The following WWC1 variants were observed in gnomAD, a reference collection of about 807,000 sequenced individuals.
The protein encoded by WWC1 is protein KIBRA.
WWC1 carries 55 observed loss-of-function variants against 138.4 expected under a neutral mutation model. The ratio of observed to expected loss-of-function variants is 0.40; its 90% CI spans 0.32 to 0.50. WWC1 has a LOEUF of 0.50. WWC1 is among the 20% of genes least tolerant of loss of function. The probability of loss-of-function intolerance (pLI) is 0.72; values close to 1 mark genes in which losing one functional copy is unlikely to be tolerated. For missense variants in WWC1, 1,226 were observed against 1,420.4 expected, an observed-to-expected ratio of 0.86 and a Z score of 2.20; for synonymous variants, 524 against 564.9, an observed-to-expected ratio of 0.93 and a Z score of 1.03.
intron 19 of WWC1, among the ~76,000 whole-genome samples, chr5:168,458,321 C>G (rs552681002): frequency 1.3e-5 from 2 of 152,216 alleles, no homozygotes; most frequent in Non-Finnish European, 2.9e-5. Flanking sequence ...GGGAGTCCAA[C>G]TCCAAAGCCT....
At chr5:168,421,126 G>A (rs1016256811) in intron 9 of WWC1, among the ~76,000 whole-genome samples, 4 of 152,168 alleles carry the variant, frequency 2.6e-5, no homozygotes, top group African/African-American at 9.7e-5. Flanking sequence ...CTTCCATGTG[G>A]TCATTCAGGA....
chr5:168,304,297 TGCC>T lies in WWC1; in HGVS notation c.119+12027_119+12029del, dbSNP rs569728633. Among the ~76,000 whole-genome samples the T allele has an allele frequency of 5.9e-5, 9 of 152,354 alleles. No homozygotes were observed. In the South Asian group the frequency reaches 1.9e-3, roughly 32 times the overall value. On this transcript the variant is annotated intron_variant, in intron 1 of 22. Coordinates refer to ENST00000265293, the MANE Select transcript of WWC1 (RefSeq NM_015238.3). The stretch of plus-strand genomic sequence containing the variant: ...AAATGTCCCCTGGAAAAACTGGTCA[TGCC>T]TAAGAAGATAGACTTCTTCCTAGTA...
chr5:168,311,157 T>C (rs1195295814), intron 1 of WWC1, among the ~76,000 whole-genome samples: 1 of 152,124 alleles, frequency 6.6e-6, no homozygotes, highest in Admixed American at 6.6e-5. Context: ...CCCACCTGTA[T>C]GCATTGACTC....
At position 168,395,909 on chromosome 5, in the gene WWC1, T is replaced by C. The variant is rs74320001; in HGVS notation, c.434-1815T>C. ...CCAAGTATTACATTTTAATGCCTTA[T>C]GCATAACCAAAAGGCCTATTAAAAT... On this transcript the variant is annotated intron_variant, in intron 3 of 22. Transcript: ENST00000265293. Among the ~76,000 whole-genome samples the C allele has an allele frequency of 7.0e-3, 1,071 of 152,372 alleles. 9 individuals carry two copies. Among genetic ancestry groups the C allele is most frequent in the African/African-American group, 0.025 (1,041 of 41,586 alleles).
At chr5:168,449,245 G>GT (rs987031093) in intron 17 of WWC1, among the ~76,000 whole-genome samples, 4 of 151,288 alleles carry the variant, frequency 2.6e-5, no homozygotes, top group East Asian at 1.9e-4. Flanking sequence ...TGGGTTTGTG[G>GT]TTTTTTTTTC....
rs1769091423 is a variant in WWC1, at chr5:168,292,087, C to T, written c.-66C>T. 5 of 1,446,942 alleles carry T rather than the reference C, an allele frequency of 3.5e-6. No homozygotes were observed. Among genetic ancestry groups the T allele is most frequent in the Non-Finnish European group, 4.5e-6 (5 of 1,103,344 alleles). 89.6% of individuals were successfully genotyped at this position (1,446,942 alleles called of 1,614,324 possible). A position where few individuals can be genotyped will look rare whatever the true frequency, so the allele number is the denominator to read the frequency against. Reference sequence around the variant, plus strand: ...GGCCGCCCGGGCTAAGAGCGGCCGGCTGGAGCCGCTGAGCCCCCGCTGCGG... The same window carrying T: ...GGCCGCCCGGGCTAAGAGCGGCCGGTTGGAGCCGCTGAGCCCCCGCTGCGG... On this transcript the variant is annotated 5_prime_UTR_variant, in exon 1 of 23. Coordinates refer to ENST00000265293, the MANE Select transcript of WWC1 (RefSeq NM_015238.3). The surrounding 1 kb of genome is among the most constrained non-coding windows in gnomAD (Gnocchi z 4.4).
chr5:168,400,208 T>C (rs1779209454), intron 5 of WWC1, among the ~76,000 whole-genome samples: 1 of 143,972 alleles, frequency 6.9e-6, no homozygotes, highest in Non-Finnish European at 1.5e-5. Context: ...AAGTTCGGGG[T>C]ACATGTGCAG....
At chr5:168,440,745 G>A (rs111630559) in intron 15 of WWC1, among the ~76,000 whole-genome samples, 102 of 152,214 alleles carry the variant, frequency 6.7e-4, no homozygotes, top group South Asian at 3.7e-3. Flanking sequence ...TCGATCTCCC[G>A]ACCTCAGATG....
Position 168,408,642 on chromosome 5 carries a change from A to G in WWC1, c.856A>G (p.Ile286Val), listed in dbSNP as rs1274180661. Reference sequence around the variant, plus strand: ...CCTGGATGTGAGCTCCCAGACAGACATCTCGGGAAGCGTGAGTAGACGGGG... The same window carrying G: ...CCTGGATGTGAGCTCCCAGACAGACGTCTCGGGAAGCGTGAGTAGACGGGG... ...QYLDVSSQTD[I>V]SGSFGINSNN... Residue 286 changes from isoleucine to valine, a missense_variant, in exon 7 of 23, where the codon ATC becomes GTC. Physicochemically the swap from Ile to Val is conservative, Grantham distance 29 (BLOSUM62 3). Transcript: ENST00000265293. The G allele has an allele frequency of 1.2e-6, 2 of 1,614,016 alleles. No individual in the cohort carries two copies. The highest frequency in any genetic ancestry group is 1.7e-5 in the Admixed American group (1 of 60,002).
intron 5 of WWC1, among the ~76,000 whole-genome samples, chr5:168,404,280 C>G (rs934595061): frequency 2.0e-5 from 3 of 152,250 alleles, no homozygotes; most frequent in African/African-American, 7.2e-5. Flanking sequence ...ACTGCCTGTC[C>G]CGGACACTGG....
At chr5:168,416,321 GAGA>G (rs1780650417) in intron 9 of WWC1, 1 of 152,228 alleles carries the variant, frequency 6.6e-6, no homozygotes, top group South Asian at 2.1e-4. Flanking sequence ...GTGGGAGAAG[GAGA>G]AGGACAGAGC....
intron 1 of WWC1, among the ~76,000 whole-genome samples, chr5:168,333,485 ACTT>A (rs1773204128): frequency 6.6e-6 from 1 of 152,134 alleles, no homozygotes; most frequent in African/African-American, 2.4e-5. Flanking sequence ...GGAGAATGTG[ACTT>A]CTTCTCCCAG....
chr5:168,383,855 T>C (rs1422109635), intron 2 of WWC1, among the ~76,000 whole-genome samples: 2 of 152,214 alleles, frequency 1.3e-5, no homozygotes, highest in African/African-American at 4.8e-5. Flanking sequence ...CATTGATTCT[T>C]TGACATTATT....
chr5:168,456,868 A>G (rs1756375714), intron 19 of WWC1, among the ~76,000 whole-genome samples: 2 of 152,188 alleles, frequency 1.3e-5, no homozygotes, highest in African/African-American at 4.8e-5. Flanking sequence ...GGGAGATATA[A>G]GATAGAAGAA....
At chr5:168,401,078 G>A (rs1779273078) in intron 5 of WWC1, among the ~76,000 whole-genome samples, 1 of 151,938 alleles carries the variant, frequency 6.6e-6, no homozygotes, top group South Asian at 2.1e-4. Context: ...TTGACAAAGT[G>A]AGACCCTGTC....
chr5:168,406,411 C>G (rs566529929), intron 6 of WWC1, 84 bp downstream of exon 6: 1 of 1,564,020 alleles, frequency 6.4e-7, no homozygotes, highest in East Asian at 2.3e-5. Flanking sequence ...GCTATTTCCA[C>G]GTGGTACACA....
chr5:168,412,501 A>T (rs1484268419), intron 8 of WWC1, among the ~76,000 whole-genome samples: 1 of 152,148 alleles, frequency 6.6e-6, no homozygotes, highest in Non-Finnish European at 1.5e-5. Flanking sequence ...AGCATCAGTC[A>T]CTTCCCAATG....
intron 1 of WWC1, among the ~76,000 whole-genome samples, chr5:168,352,113 T>C (rs968580248): frequency 1.3e-5 from 2 of 152,174 alleles, no homozygotes; most frequent in Non-Finnish European, 2.9e-5. Context: ...GCCTGGCCCA[T>C]GGCAAGAGCT....
At chr5:168,343,834 A>T (rs1375480595) in intron 1 of WWC1, among the ~76,000 whole-genome samples, 2 of 137,866 alleles carry the variant, frequency 1.5e-5, no homozygotes, top group East Asian at 2.2e-4. Context: ...AAAAAAAAAA[A>T]GTTGAACTTT....
Sources: gnomAD v4.1 joint callset for allele counts (sites outside exome capture counted in the v4.1 genomes callset) on GRCh38, gnomAD v4.1.1 for gene constraint, Gnocchi (gnomAD v3.1) non-coding constraint, MANE v1.5 for transcripts, NCBI Gene and HGNC (gene_info 2026-07-23, HGNC 2026-07-21) for gene names.